The following ZNF423 variants were observed in gnomAD, a reference collection of about 807,000 sequenced individuals.
ZNF423 encodes the protein zinc finger protein 423, also known as Ebf-associated zinc finger protein.
A neutral mutation model predicts 95.8 loss-of-function variants in ZNF423; 12 were observed. The observed-to-expected ratio is 0.13, with a 90% CI of 0.08 to 0.20. The LOEUF (loss-of-function observed/expected upper bound fraction) is 0.20. Ranked by LOEUF, ZNF423 falls within the 10% of genes least tolerant of loss-of-function variation. ZNF423 has a pLI of 1.00. For missense variants in ZNF423, 1,316 were observed against 1,737.1 expected (o/e 0.76, Z 4.31); for synonymous variants, 749 against 711.9 (o/e 1.05, Z -0.83).
intron 1 of ZNF423, among the ~76,000 whole-genome samples, chr16:49,832,914 T>C (rs2035076269): frequency 6.6e-6 from 1 of 152,244 alleles, no homozygotes; most frequent in Non-Finnish European, 1.5e-5. Context: ...GATTTTTTTC[T>C]GTGACATCTC....
intron 7 of ZNF423, among the ~76,000 whole-genome samples, chr16:49,502,064 C>G (rs1967425268): frequency 2.6e-5 from 4 of 152,172 alleles, no homozygotes; most frequent in Admixed American, 2.6e-4. Context: ...TAAAATAAAT[C>G]CATAAACTTT....
At chr16:49,806,313 C>A (rs1185471234) in intron 1 of ZNF423, among the ~76,000 whole-genome samples, 2 of 152,240 alleles carry the variant, frequency 1.3e-5, no homozygotes, top group Non-Finnish European at 2.9e-5. Context: ...GTGGGCACAT[C>A]AGCCTGGGGC....
intron 1 of ZNF423, among the ~76,000 whole-genome samples, chr16:49,842,836 G>A (rs201803480): frequency 6.6e-5 from 10 of 151,958 alleles, no homozygotes; most frequent in Admixed American, 3.9e-4. Context: ...AAAATTAGCC[G>A]GGCGTACTGG....
At chr16:49,774,808 C>T (rs1302393224) in intron 2 of ZNF423, among the ~76,000 whole-genome samples, 1 of 152,140 alleles carries the variant, frequency 6.6e-6, no homozygotes, top group African/African-American at 2.4e-5. Context: ...ATAAACAGAG[C>T]TTCCCAAACT....
intron 3 of ZNF423, among the ~76,000 whole-genome samples, chr16:49,725,131 G>A (rs984543954): frequency 1.3e-5 from 2 of 152,184 alleles, no homozygotes; most frequent in African/African-American, 4.8e-5. Flanking sequence ...AGAAAATAGT[G>A]CCTAGCTTTG....
intron 1 of ZNF423, among the ~76,000 whole-genome samples, chr16:49,841,739 G>C (rs1319433253): frequency 2.0e-5 from 3 of 152,238 alleles, no homozygotes; most frequent in Non-Finnish European, 2.9e-5. Context: ...TGGCCTCCAG[G>C]CTTCCTGAGG....
chr16:49,818,899 A>G (rs1274358334), intron 1 of ZNF423, among the ~76,000 whole-genome samples: 1 of 152,022 alleles, frequency 6.6e-6, no homozygotes, highest in Non-Finnish European at 1.5e-5. Flanking sequence ...AAAAAATAAT[A>G]ATAATAAATA....
intron 5 of ZNF423, among the ~76,000 whole-genome samples, chr16:49,557,588 C>G (rs1179409243): frequency 6.6e-6 from 1 of 152,174 alleles, no homozygotes; most frequent in Non-Finnish European, 1.5e-5. Context: ...GATATTGGCC[C>G]AGGTGAGAGA....
chr16:49,819,804 C>T (rs1250417365), intron 1 of ZNF423, among the ~76,000 whole-genome samples: 1 of 152,132 alleles, frequency 6.6e-6, no homozygotes, highest in Non-Finnish European at 1.5e-5. Context: ...TTCAACCTCA[C>T]AATGGTATGA....
chr16:49,515,942 C>T lies in ZNF423; in HGVS notation c.3849+7682G>A, dbSNP rs1409898657. ...ACCGCTGGCATGGGGCCGATAGGGCCCCAGGCCTTCATCTGCTGAGGCCTG... is the reference window on the plus strand; with the variant it reads ...ACCGCTGGCATGGGGCCGATAGGGCTCCAGGCCTTCATCTGCTGAGGCCTG... On this transcript the variant is annotated intron_variant, in intron 7 of 7. Coordinates refer to ENST00000563137, the MANE Select transcript of ZNF423 (RefSeq NM_001379286.1). 3.9e-5 allele frequency among the ~76,000 whole-genome samples: 6 copies of T among 152,292 alleles called. No homozygotes were observed. The South Asian group carries it at 1.0e-3, about 26-fold the overall frequency.
chr16:49,512,241 C>T (rs1296705665), intron 7 of ZNF423, among the ~76,000 whole-genome samples: 3 of 152,144 alleles, frequency 2.0e-5, no homozygotes, highest in South Asian at 2.1e-4. Flanking sequence ...TTGAGCACGT[C>T]CACACATGAT....
intron 7 of ZNF423, among the ~76,000 whole-genome samples, chr16:49,491,557 T>C (rs1477189731): frequency 6.7e-6 from 1 of 150,094 alleles, no homozygotes; most frequent in African/African-American, 2.5e-5. Flanking sequence ...TTTTTTTTTT[T>C]TTTTTTAAAG....
chr16:49,626,830 C>T (rs1480060036), intron 4 of ZNF423, among the ~76,000 whole-genome samples: 1 of 146,046 alleles, frequency 6.8e-6, no homozygotes, highest in Non-Finnish European at 1.5e-5. Context: ...ACATATACAC[C>T]CACCAATAGA....
intron 5 of ZNF423, among the ~76,000 whole-genome samples, chr16:49,623,525 C>T (rs571253859): frequency 2.6e-5 from 4 of 152,248 alleles, no homozygotes; most frequent in Admixed American, 2.0e-4. Context: ...AACAGGAACG[C>T]GCATTAACAT....
At chr16:49,564,633 G>GAATC (rs1412632797) in intron 5 of ZNF423, among the ~76,000 whole-genome samples, 1 of 152,212 alleles carries the variant, frequency 6.6e-6, no homozygotes, top group African/African-American at 2.4e-5. Context: ...CCAGATCCAA[G>GAATC]AATCACCCTA....
chr16:49,623,438 G>T (rs940042026), intron 5 of ZNF423, among the ~76,000 whole-genome samples: 1 of 152,262 alleles, frequency 6.6e-6, no homozygotes, highest in Non-Finnish European at 1.5e-5. Flanking sequence ...CAAGGTAGAA[G>T]AGAGGAGGGA....
chr16:49,797,965 T>A, intron 1 of ZNF423, among the ~76,000 whole-genome samples: 1 of 152,114 alleles, frequency 6.6e-6, no homozygotes, highest in East Asian at 1.9e-4. Context: ...ATACCAGCAC[T>A]TTGGGAGGCC....
chr16:49,756,840 G>C (rs907300402), intron 2 of ZNF423, among the ~76,000 whole-genome samples: 1 of 152,222 alleles, frequency 6.6e-6, no homozygotes, highest in African/African-American at 2.4e-5. Flanking sequence ...GCGAGATGGC[G>C]GGGGGAAGCC....
At chr16:49,585,204 T>C (rs903117471) in intron 5 of ZNF423, among the ~76,000 whole-genome samples, 2 of 152,144 alleles carry the variant, frequency 1.3e-5, no homozygotes, top group Non-Finnish European at 1.5e-5. Context: ...ACCTGATGGA[T>C]TGGAAGACCT....
Sources: allele counts gnomAD v4.1 joint callset (sites outside exome capture counted in the v4.1 genomes callset), GRCh38; gene constraint gnomAD v4.1.1; transcripts MANE v1.5; gene names NCBI Gene and HGNC (gene_info 2026-07-23, HGNC 2026-07-21).